The following GRIP2 variants were observed in gnomAD, a reference collection of about 807,000 sequenced individuals.
GRIP2 encodes glutamate receptor-interacting protein 2.
GRIP2 carries 58 observed loss-of-function variants against 108.3 expected under a neutral mutation model. The observed-to-expected ratio is 0.54, with a 90% CI of 0.43 to 0.67. GRIP2 has a LOEUF of 0.67. Ranked by LOEUF, GRIP2 falls within the 30% of genes least tolerant of loss-of-function variation. The probability of loss-of-function intolerance (pLI) is 0.00; values close to 1 mark genes in which losing one functional copy is unlikely to be tolerated. For missense variants in GRIP2, 1,278 were observed against 1,430.6 expected, an observed-to-expected ratio of 0.89 and a Z score of 1.72; for synonymous variants, 586 against 598.2, an observed-to-expected ratio of 0.98 and a Z score of 0.30.
chr3:14,581,738 C>G, the GRIP2 span, among the ~76,000 whole-genome samples: 53 of 152,318 alleles, frequency 3.5e-4, no homozygotes, highest in South Asian at 0.011. Flanking sequence ...TGGATGTAGC[C>G]CTTCCTGATG....
At chr3:14,528,163 T>C (rs1284583266) in intron 1 of GRIP2, among the ~76,000 whole-genome samples, 1 of 152,232 alleles carries the variant, frequency 6.6e-6, no homozygotes, top group Non-Finnish European at 1.5e-5. Flanking sequence ...TCACTCAGTA[T>C]GTACGCTTTT....
chr3:14,521,611 C>T lies in GRIP2; in HGVS notation c.712+31G>A, dbSNP rs1694410407. The T allele has an allele frequency of 6.3e-7, 1 of 1,580,286 alleles. No homozygotes were observed. Among genetic ancestry groups the T allele is most frequent in the Non-Finnish European group, 8.6e-7 (1 of 1,160,414 alleles). ...CCCCCCATCCCAGGCCTCCTCCTGC[C>T]CCAACCCACACACTCAGGCCCCCAA... On this transcript the variant is annotated intron_variant, in intron 7 of 23. Transcript: ENST00000621039. The surrounding 1 kb of genome is among the most constrained non-coding windows in gnomAD (Gnocchi z 5.1).
the GRIP2 span, among the ~76,000 whole-genome samples, chr3:14,570,952 G>C: frequency 5.9e-5 from 9 of 152,130 alleles, no homozygotes; most frequent in Non-Finnish European, 1.3e-4. Flanking sequence ...TTGACATTTT[G>C]GACCAGACAA....
At chr3:14,569,842 G>A in the GRIP2 span, among the ~76,000 whole-genome samples, 1 of 152,048 alleles carries the variant, frequency 6.6e-6, no homozygotes, top group East Asian at 1.9e-4. Flanking sequence ...GACCTGCCGT[G>A]GTCCCACAGC....
chr3:14,585,974 C>T, the GRIP2 span, among the ~76,000 whole-genome samples: 1 of 152,204 alleles, frequency 6.6e-6, no homozygotes, highest in South Asian at 2.1e-4. Flanking sequence ...CAAATTCCTT[C>T]CATTGGCCTG....
the GRIP2 span, chr3:14,574,559 T>C: frequency 4.1e-6 from 3 of 737,494 alleles, no homozygotes; most frequent in African/African-American, 5.2e-5. Context: ...GTGCTGCCTC[T>C]GATGGGGACT....
the GRIP2 span, chr3:14,573,528 G>T: frequency 6.6e-7 from 1 of 1,506,416 alleles, no homozygotes; most frequent in Non-Finnish European, 9.2e-7. Context: ...GTGCACCTGA[G>T]AGCAGAGCAT....
At chr3:14,516,553 C>G (rs1428737798) in intron 11 of GRIP2, among the ~76,000 whole-genome samples, 7 of 152,116 alleles carry the variant, frequency 4.6e-5, no homozygotes, top group Admixed American at 3.3e-4. Context: ...ATCTTTATTT[C>G]AAAAGGGCAA....
At chr3:14,568,810 G>C in the GRIP2 span, among the ~76,000 whole-genome samples, 2 of 152,174 alleles carry the variant, frequency 1.3e-5, no homozygotes, top group Admixed American at 1.3e-4. Flanking sequence ...TGGAGTGTGA[G>C]GTCAGCACAC....
At chr3:14,501,846 T>C (rs1359056453) in intron 21 of GRIP2, among the ~76,000 whole-genome samples, 1 of 152,056 alleles carries the variant, frequency 6.6e-6, no homozygotes, top group Non-Finnish European at 1.5e-5. Context: ...ATGTTGAAAG[T>C]AAAACAAATG....
intron 1 of GRIP2, among the ~76,000 whole-genome samples, chr3:14,548,780 G>A (rs116760391): frequency 0.017 from 2,522 of 152,330 alleles, 84 homozygotes; most frequent in African/African-American, 0.058. Context: ...AACTGAGGTC[G>A]AGAGAGGGGA....
At chr3:14,506,239 G>A (rs1046343430) in intron 19 of GRIP2, among the ~76,000 whole-genome samples, 3 of 152,192 alleles carry the variant, frequency 2.0e-5, no homozygotes, top group Non-Finnish European at 4.4e-5. Flanking sequence ...CCCCTACCCA[G>A]TCCTCTGAGT....
At chr3:14,578,100 G>A in the GRIP2 span, among the ~76,000 whole-genome samples, 4 of 152,304 alleles carry the variant, frequency 2.6e-5, no homozygotes, top group South Asian at 2.1e-4. Flanking sequence ...CATCTCCACT[G>A]TGTGGAGCTC....
At position 14,493,340 on chromosome 3, in the gene GRIP2, C is replaced by T. The variant is rs1227658229; in HGVS notation, c.*325G>A. Reference sequence around the variant, plus strand: ...ATCTTCGACCTCTCCAAGGAGGCCCCACAGAGACCTGGGACAGCCCCCAGG... The same window carrying T: ...ATCTTCGACCTCTCCAAGGAGGCCCTACAGAGACCTGGGACAGCCCCCAGG... On this transcript the variant is annotated 3_prime_UTR_variant, in exon 24 of 24. Coordinates refer to ENST00000621039, the MANE Select transcript of GRIP2 (RefSeq NM_001080423.4). 5 of 304,774 alleles carry T rather than the reference C, an allele frequency of 1.6e-5. No individual in the cohort carries two copies. Among genetic ancestry groups the T allele is most frequent in the Non-Finnish European group, 3.0e-5 (5 of 165,112 alleles). 18.9% of individuals were successfully genotyped at this position (304,774 alleles called of 1,614,324 possible).
At chr3:14,549,347 A>G (rs1207736365) in intron 1 of GRIP2, among the ~76,000 whole-genome samples, 2 of 151,666 alleles carry the variant, frequency 1.3e-5, no homozygotes, top group Admixed American at 1.3e-4. Flanking sequence ...AAGGGGTGAC[A>G]GTCAGTCTGT....
chr3:14,503,722 G>C, intron 20 of GRIP2, 51 bp from the exon 21 acceptor site: 1 of 998,292 alleles, frequency 1.0e-6, no homozygotes, highest in Non-Finnish European at 1.4e-6. Flanking sequence ...GGGTGGGCGG[G>C]CTGGGGCCTG....
chr3:14,526,730 C>T (rs1035114414), intron 1 of GRIP2, among the ~76,000 whole-genome samples: 2 of 152,170 alleles, frequency 1.3e-5, no homozygotes, highest in African/African-American at 4.8e-5. Flanking sequence ...CTCTAAGATA[C>T]GTCAAGGGGT....
At position 14,515,140 on chromosome 3, in the gene GRIP2, G is replaced by A. The variant is rs114661154; in HGVS notation, c.1307-662C>T. On this transcript the variant is annotated intron_variant, in intron 11 of 23. Transcript: ENST00000621039. Reference sequence around the variant, plus strand: ...CTTTCACTTGGCATAATGTTTTCAAGTTCATCCACATTTTGCAGGTGTCAG... The same window carrying A: ...CTTTCACTTGGCATAATGTTTTCAAATTCATCCACATTTTGCAGGTGTCAG... Among the ~76,000 whole-genome samples, 1,246 of 152,344 alleles carry A rather than the reference G, an allele frequency of 8.2e-3. 15 individuals are homozygous for A. The highest frequency in any genetic ancestry group is 0.028 in the African/African-American group (1,177 of 41,576).
chr3:14,512,744 C>A lies in GRIP2; in HGVS notation c.1720+33G>T. The A allele has an allele frequency of 6.2e-7, 1 of 1,602,188 alleles. No homozygotes were observed. Among genetic ancestry groups the A allele is most frequent in the Non-Finnish European group, 8.5e-7 (1 of 1,170,442 alleles). The stretch of plus-strand genomic sequence containing the variant: ...TTTTTCCCCAGCAGTTGAGCTCGCT[C>A]CCAGGGGCAAACAGCAGCGGGAGGA... On this transcript the variant is annotated intron_variant, in intron 14 of 23. Coordinates refer to ENST00000621039, the MANE Select transcript of GRIP2 (RefSeq NM_001080423.4). This position sits in a 1 kb window ranked among gnomAD's most constrained non-coding sequence, Gnocchi z 5.1.
Sources: gnomAD v4.1 joint callset for allele counts (sites outside exome capture counted in the v4.1 genomes callset) on GRCh38, gnomAD v4.1.1 for gene constraint, Gnocchi (gnomAD v3.1) non-coding constraint, MANE v1.5 for transcripts, NCBI Gene and HGNC (gene_info 2026-07-23, HGNC 2026-07-21) for gene names.